Variants in DLG2 observed in about 807,000 individuals in gnomAD.
DLG2 encodes disks large homolog 2.
A neutral mutation model predicts 132.5 loss-of-function variants in DLG2; 45 were observed. That is an observed-to-expected ratio of 0.34 (90% CI 0.27 to 0.44). The LOEUF (loss-of-function observed/expected upper bound fraction) is 0.44. DLG2 is among the 20% of genes least tolerant of loss of function. The pLI is 1.00. For synonymous variants in DLG2, 424 were observed against 419.6 expected (o/e 1.01, Z -0.13); for missense variants, 1,045 against 1,196.9 (o/e 0.87, Z 1.87).
chr11:84,452,857 T>A (rs1205478731), intron 7 of DLG2, among the ~76,000 whole-genome samples: 2 of 151,688 alleles, frequency 1.3e-5, no homozygotes, highest in Non-Finnish European at 3.0e-5. Flanking sequence ...GTTCAGCCTC[T>A]ACAATGTAGC....
chr11:85,444,826 C>T (rs1023610680), intron 3 of DLG2, among the ~76,000 whole-genome samples: 4 of 152,176 alleles, frequency 2.6e-5, no homozygotes, highest in Non-Finnish European at 5.9e-5. Context: ...CTTGTAGTTA[C>T]TTTTAATAGC....
chr11:84,579,672 A>G (rs1276982142), intron 6 of DLG2, among the ~76,000 whole-genome samples: 1 of 152,196 alleles, frequency 6.6e-6, no homozygotes, highest in Non-Finnish European at 1.5e-5. Flanking sequence ...TAAGTAATGA[A>G]GGTTATGATA....
intron 5 of DLG2, among the ~76,000 whole-genome samples, chr11:85,130,548 A>C (rs1453721039): frequency 2.0e-5 from 3 of 152,218 alleles, no homozygotes; most frequent in Non-Finnish European, 4.4e-5. Context: ...GTGGTATCGA[A>C]ATGTGCTGTG....
chr11:83,549,781 G>C (rs1761405242), intron 19 of DLG2, among the ~76,000 whole-genome samples: 1 of 152,148 alleles, frequency 6.6e-6, no homozygotes, highest in Admixed American at 6.5e-5. Context: ...CTTGAAAACA[G>C]AGGAGGCACC....
At chr11:83,888,426 A>T (rs2068614574) in intron 15 of DLG2, among the ~76,000 whole-genome samples, 1 of 152,028 alleles carries the variant, frequency 6.6e-6, no homozygotes, top group Admixed American at 6.6e-5. Flanking sequence ...GAGAACTACA[A>T]ACCACTGCTC....
chr11:84,003,487 C>T (rs907192781), intron 11 of DLG2, among the ~76,000 whole-genome samples: 1 of 152,072 alleles, frequency 6.6e-6, no homozygotes, highest in Non-Finnish European at 1.5e-5. Flanking sequence ...TTCAGCATGG[C>T]TGGGGAGGCC....
At chr11:83,481,272 A>C (rs1271891997) in intron 22 of DLG2, among the ~76,000 whole-genome samples, 2 of 152,226 alleles carry the variant, frequency 1.3e-5, no homozygotes, top group Non-Finnish European at 2.9e-5. Context: ...ATATGCCAGA[A>C]TTTGAGCTCT....
At chr11:85,136,623 CT>C in intron 5 of DLG2, among the ~76,000 whole-genome samples, 1 of 152,262 alleles carries the variant, frequency 6.6e-6, no homozygotes, top group East Asian at 1.9e-4. Context: ...TATATTGATT[CT>C]TAGTAAAACC....
chr11:83,966,101 C>T (rs1046538128), intron 12 of DLG2, among the ~76,000 whole-genome samples: 2 of 152,008 alleles, frequency 1.3e-5, no homozygotes, highest in Non-Finnish European at 2.9e-5. Context: ...TTGTGCACAA[C>T]TCTGATAATA....
chr11:84,300,128 C>G (rs2098135830), intron 7 of DLG2, among the ~76,000 whole-genome samples: 1 of 152,046 alleles, frequency 6.6e-6, no homozygotes, highest in African/African-American at 2.4e-5. Context: ...AAATTCCTAT[C>G]CCTATGTAAA....
chr11:83,614,413 T>C (rs1478589472), intron 19 of DLG2, among the ~76,000 whole-genome samples: 1 of 152,174 alleles, frequency 6.6e-6, no homozygotes, highest in Non-Finnish European at 1.5e-5. Flanking sequence ...TGCAGCGTGC[T>C]TTAATAGAAA....
intron 3 of DLG2, among the ~76,000 whole-genome samples, chr11:85,319,708 A>C (rs999013941): frequency 1.3e-5 from 2 of 151,874 alleles, no homozygotes; most frequent in Non-Finnish European, 3.0e-5. Context: ...TCACTGAGGC[A>C]CCATTCCTGG....
chr11:85,502,891 T>C (rs372986695), intron 3 of DLG2, among the ~76,000 whole-genome samples: 14 of 152,230 alleles, frequency 9.2e-5, no homozygotes, highest in East Asian at 7.7e-4. Context: ...CATAGCAGCA[T>C]TGATTTTAAT....
At chr11:83,906,101 A>G (rs1301267419) in intron 15 of DLG2, among the ~76,000 whole-genome samples, 3 of 75,632 alleles carry the variant, frequency 4.0e-5, no homozygotes, top group African/African-American at 1.4e-4. Context: ...ATATATATAT[A>G]TATACATATA....
At chr11:84,015,913 G>C (rs1762189590) in intron 11 of DLG2, among the ~76,000 whole-genome samples, 1 of 152,130 alleles carries the variant, frequency 6.6e-6, no homozygotes, top group South Asian at 2.1e-4. Context: ...TAATGGGATT[G>C]CTAGGTTGAA....
At chr11:84,207,349 G>GA (rs931100301) in intron 8 of DLG2, among the ~76,000 whole-genome samples, 51 of 148,738 alleles carry the variant, frequency 3.4e-4, no homozygotes, top group Non-Finnish European at 4.8e-4. Flanking sequence ...AATCTTGAAA[G>GA]AAAAAAAAAA....
chr11:84,893,742 T>A (rs1010778763), intron 6 of DLG2, among the ~76,000 whole-genome samples: 13 of 152,186 alleles, frequency 8.5e-5, no homozygotes, highest in African/African-American at 2.4e-4. Flanking sequence ...GCCACATAAA[T>A]GTTATGAATG....
intron 6 of DLG2, among the ~76,000 whole-genome samples, chr11:84,552,719 A>C (rs1360835695): frequency 6.6e-6 from 1 of 152,222 alleles, no homozygotes; most frequent in Non-Finnish European, 1.5e-5. Flanking sequence ...AGTGGGTCCT[A>C]ATAAATGTTT....
At chr11:83,690,565 T>C (rs1027035209) in intron 18 of DLG2, among the ~76,000 whole-genome samples, 1 of 151,444 alleles carries the variant, frequency 6.6e-6, no homozygotes, top group Non-Finnish European at 1.5e-5. Context: ...TGAACACTTA[T>C]AAGGGGCAGA....
Sources: allele counts gnomAD v4.1 joint callset (sites outside exome capture counted in the v4.1 genomes callset), GRCh38; gene constraint gnomAD v4.1.1; transcripts MANE v1.5; gene names NCBI Gene and HGNC (gene_info 2026-07-23, HGNC 2026-07-21).